The following KAZN variants were observed in gnomAD, a reference collection of about 807,000 sequenced individuals.
KAZN encodes kazrin.
KAZN carries 40 observed loss-of-function variants against 87.4 expected under a neutral mutation model. That is an observed-to-expected ratio of 0.46 (90% CI 0.36 to 0.60). The LOEUF is 0.60. Among genes scored for constraint, KAZN ranks in the 20% least tolerant of loss-of-function variants. KAZN has a pLI of 0.00. For synonymous variants in KAZN, 466 were observed against 458.3 expected (o/e 1.02, Z -0.22); for missense variants, 898 against 1,073.9 (o/e 0.84, Z 2.29).
chr1:14,951,978 G>A (rs577268756), intron 1 of KAZN, among the ~76,000 whole-genome samples: 116 of 152,266 alleles, frequency 7.6e-4, no homozygotes, highest in African/African-American at 2.6e-3. Flanking sequence ...GCAGAGCCCA[G>A]CAGACCTGGG....
At chr1:14,946,483 G>A (rs12062027) in intron 1 of KAZN, among the ~76,000 whole-genome samples, 2 of 151,938 alleles carry the variant, frequency 1.3e-5, no homozygotes, top group Non-Finnish European at 2.9e-5. Context: ...GGCTACAGGC[G>A]CCTGCCACCA....
At chr1:15,019,353 A>T (rs1285390036) in intron 2 of KAZN, among the ~76,000 whole-genome samples, 1 of 152,156 alleles carries the variant, frequency 6.6e-6, no homozygotes, top group East Asian at 1.9e-4. Flanking sequence ...CAGCTGGGTC[A>T]GTGTAATCTA....
At chr1:14,887,495 C>G (rs1654202003) in intron 1 of KAZN, among the ~76,000 whole-genome samples, 1 of 152,218 alleles carries the variant, frequency 6.6e-6, no homozygotes, top group African/African-American at 2.4e-5. Flanking sequence ...CCCAAACAAA[C>G]TTGACATTTC....
chr1:14,611,617 A>G (rs916170715), intron 1 of KAZN, among the ~76,000 whole-genome samples: 5 of 151,148 alleles, frequency 3.3e-5, no homozygotes, highest in Admixed American at 6.6e-5. Flanking sequence ...TGGGACCAGG[A>G]GTTTGAGGTT....
At position 14,902,890 on chromosome 1, in the gene KAZN, T is replaced by G. The variant is rs112082069; in HGVS notation, c.227-57794T>G. ...CTTTCCTTTTTTTTTTTTTTTAAGA[T>G]GGAGTTTTGCTCTTGTCACCCAAGC... On this transcript the variant is annotated intron_variant, in intron 1 of 14. Transcript: ENST00000376030. 1.8e-3 allele frequency among the ~76,000 whole-genome samples: 233 copies of G among 127,126 alleles called. 1 individual carries two copies. The Middle Eastern group carries it at 0.022, about 12-fold the overall frequency. The allele number at this position is 127,126 out of a possible 152,430, so 83.4% of individuals were successfully genotyped here.
chr1:14,657,719 A>C (rs1638897509), intron 1 of KAZN, among the ~76,000 whole-genome samples: 1 of 152,116 alleles, frequency 6.6e-6, no homozygotes, highest in Non-Finnish European at 1.5e-5. Context: ...TGAGACAGGG[A>C]CAAGTCCTTC....
Position 15,114,537 on chromosome 1 carries a change from T to G in KAZN, c.2230T>G (p.Ser744Ala). 1.1e-5 allele frequency: 17 copies of G among 1,611,540 alleles called. No individual in the cohort carries two copies. Among genetic ancestry groups the G allele is most frequent in the Non-Finnish European group, 1.4e-5 (17 of 1,178,906 alleles). ...KDPDFHDDYG[S>A]LQNEDCGDDD... ...TCCCGATTTCCATGATGACTATGGC[T>G]CTCTTCAAAACGAAGATTGCGGAGA... Residue 744 changes from serine to alanine, a missense_variant, in exon 15 of 15, where the codon TCT (serine) becomes GCT (alanine). Around this residue, in one of 3 missense-constraint regions of KAZN, gnomAD observed 127 missense variants for 121.5 expected, o/e 1.04. Transcript: ENST00000376030.
In KAZN at chr1:14,631,095, C is replaced by T. The variant is rs143568118; in HGVS notation, c.226+31872C>T. Among the ~76,000 whole-genome samples the T allele has an allele frequency of 1.7e-3, 264 of 152,260 alleles. 4 individuals carry two copies. The highest frequency in any genetic ancestry group is 0.014 in the Admixed American group (215 of 15,284). The stretch of plus-strand genomic sequence containing the variant: ...GAGAGGTTCATGGAACATCCCCTAC[C>T]CTGCTGCCTCATCCTGTATTCACAG... On this transcript the variant is annotated intron_variant, in intron 1 of 14. Transcript: ENST00000376030.
chr1:14,712,680 T>G (rs1557908215), intron 1 of KAZN, among the ~76,000 whole-genome samples: 1 of 152,110 alleles, frequency 6.6e-6, no homozygotes, highest in Non-Finnish European at 1.5e-5. Context: ...AAATCATCTA[T>G]TATTACCCGA....
At position 14,599,025 on chromosome 1, in the gene KAZN, C is replaced by T. The variant is rs1403945861; in HGVS notation, c.28C>T (p.Leu10Phe). The T allele has an allele frequency of 3.2e-6, 5 of 1,570,520 alleles. No homozygotes were observed. The highest frequency in any genetic ancestry group is 4.3e-6 in the Non-Finnish European group (5 of 1,162,346). Residue 10 changes from leucine to phenylalanine, a missense_variant, in exon 1 of 15, where the codon CTC becomes TTC. Leu to Phe is a conservative substitution (Grantham distance 22). Around this residue, in one of 3 missense-constraint regions of KAZN, gnomAD observed 250 missense variants for 263.0 expected, o/e 0.95. Coordinates refer to ENST00000376030, the MANE Select transcript of KAZN (RefSeq NM_201628.3). This position sits in a 1 kb window ranked among gnomAD's most constrained non-coding sequence, Gnocchi z 4.4. MMEDNKQLA[L>F]RIDGAVQSAS... ...GATGGAAGACAATAAGCAGCTCGCG[C>T]TCCGCATCGATGGGGCGGTCCAGTC...
chr1:13,988,284 A>C (rs1313456424), intron 1 of KAZN, among the ~76,000 whole-genome samples: 1 of 152,228 alleles, frequency 6.6e-6, no homozygotes, highest in Non-Finnish European at 1.5e-5. Context: ...AATAGTAGAA[A>C]TAAAAATGCC....
intron 1 of KAZN, among the ~76,000 whole-genome samples, chr1:14,034,056 AT>A (rs1458247049): frequency 3.3e-5 from 5 of 152,198 alleles, no homozygotes; most frequent in African/African-American, 1.2e-4. Context: ...TGTGCCTTTG[AT>A]TGCTGAACTG....
chr1:14,378,405 A>C (rs1399232431), intron 2 of KAZN, among the ~76,000 whole-genome samples: 1 of 152,246 alleles, frequency 6.6e-6, no homozygotes, highest in Non-Finnish European at 1.5e-5. Context: ...ACGAAGAAAC[A>C]ACCTTCATGA....
At chr1:14,395,510 C>T (rs919735592) in intron 2 of KAZN, among the ~76,000 whole-genome samples, 1 of 152,110 alleles carries the variant, frequency 6.6e-6, no homozygotes, top group African/African-American at 2.4e-5. Flanking sequence ...AGGGCTGTGG[C>T]TGTGGCTGGT....
intron 2 of KAZN, among the ~76,000 whole-genome samples, chr1:14,412,867 T>G (rs1664417346): frequency 6.6e-6 from 1 of 151,062 alleles, no homozygotes; most frequent in Non-Finnish European, 1.5e-5. Flanking sequence ...CATAAAATTG[T>G]AGTCATGAAG....
At chr1:14,958,394 C>T (rs1049471568) in intron 1 of KAZN, among the ~76,000 whole-genome samples, 2 of 102,556 alleles carry the variant, frequency 2.0e-5, no homozygotes, top group Admixed American at 9.6e-5. Context: ...ACATGGAGCA[C>T]TTCCTGTGTA....
chr1:14,191,795 T>G (rs1219562162), intron 2 of KAZN, among the ~76,000 whole-genome samples: 1 of 152,106 alleles, frequency 6.6e-6, no homozygotes, highest in Non-Finnish European at 1.5e-5. Flanking sequence ...CATAAGACTG[T>G]TAGTGGAAAC....
intron 1 of KAZN, among the ~76,000 whole-genome samples, chr1:14,864,336 G>T (rs1651206524): frequency 6.6e-6 from 1 of 152,182 alleles, no homozygotes; most frequent in South Asian, 2.1e-4. Flanking sequence ...AGGCCAAGGC[G>T]GGCGGATCAC....
At chr1:14,059,836 G>C (rs984399467) in intron 1 of KAZN, among the ~76,000 whole-genome samples, 1 of 152,114 alleles carries the variant, frequency 6.6e-6, no homozygotes, top group African/African-American at 2.4e-5. Context: ...TCTGTTTTTG[G>C]GGAAGCATCT....
Sources: gnomAD v4.1 joint callset for allele counts (sites outside exome capture counted in the v4.1 genomes callset) on GRCh38, gnomAD v4.1.1 for gene constraint, gnomAD v4.1.1 regional missense constraint, Gnocchi (gnomAD v3.1) non-coding constraint, MANE v1.5 for transcripts, NCBI Gene and HGNC (gene_info 2026-07-23, HGNC 2026-07-21) for gene names.